WDPCP: variants seen among roughly 807,000 people sequenced by gnomAD.
The protein encoded by WDPCP is WD repeat-containing and planar cell polarity effector protein fritz homolog.
A neutral mutation model predicts 93.1 loss-of-function variants in WDPCP; 71 were observed. The observed-to-expected ratio is 0.76, with a 90% confidence interval of 0.63 to 0.93. WDPCP has a LOEUF of 0.93. WDPCP is among the 40% of genes least tolerant of loss of function. WDPCP has a pLI of 0.00. For missense variants in WDPCP, 844 were observed against 887.4 expected (o/e 0.95, Z 0.62); for synonymous variants, 315 against 315.0 (o/e 1.00, Z 0.00).
At chr2:63,378,748 C>T (rs1692058903) in intron 11 of WDPCP, among the ~76,000 whole-genome samples, 1 of 152,010 alleles carries the variant, frequency 6.6e-6, no homozygotes, top group East Asian at 1.9e-4. Flanking sequence ...TGAAGAAATC[C>T]ATAATGAACC....
intron 3 of WDPCP, among the ~76,000 whole-genome samples, chr2:63,624,736 A>G (rs1709788958): frequency 6.6e-6 from 1 of 152,248 alleles, no homozygotes; most frequent in Non-Finnish European, 1.5e-5. Context: ...TTCACAGCCG[A>G]ATTCTACCAA....
intron 14 of WDPCP, among the ~76,000 whole-genome samples, chr2:63,238,234 A>G (rs1420191391): frequency 6.6e-6 from 1 of 152,164 alleles, no homozygotes; most frequent in East Asian, 1.9e-4. Context: ...TTTTGATTCT[A>G]CAATATAAGC....
chr2:63,688,005 A>G (rs1668834834), intron 2 of WDPCP, among the ~76,000 whole-genome samples: 1 of 152,242 alleles, frequency 6.6e-6, no homozygotes, highest in South Asian at 2.1e-4. Context: ...ACTATTCAGC[A>G]TAAAAAGGAT....
intron 2 of WDPCP, among the ~76,000 whole-genome samples, chr2:63,721,500 A>G (rs1309052477): frequency 6.6e-6 from 1 of 152,030 alleles, no homozygotes; most frequent in African/African-American, 2.4e-5. Flanking sequence ...ACCCCTTCTA[A>G]TCTCACTCCA....
chr2:63,541,936 CT>C (rs1704771191), intron 1 of WDPCP, among the ~76,000 whole-genome samples: 1 of 152,068 alleles, frequency 6.6e-6, no homozygotes, highest in South Asian at 2.1e-4. Flanking sequence ...AATCTAAATT[CT>C]TTATAAAGCC....
intron 15 of WDPCP, among the ~76,000 whole-genome samples, chr2:63,171,198 G>T (rs1232362540): frequency 6.6e-6 from 1 of 152,066 alleles, no homozygotes; most frequent in Admixed American, 6.6e-5. Flanking sequence ...AGAAAAAATT[G>T]CTATCCTTGG....
chr2:63,548,043 T>C (rs1575621094), intron 1 of WDPCP, among the ~76,000 whole-genome samples: 1 of 152,106 alleles, frequency 6.6e-6, no homozygotes, highest in East Asian at 1.9e-4. Context: ...TGAAAATATG[T>C]ACATCTATTA....
At chr2:63,387,166 CAG>C (rs1327544558) in intron 10 of WDPCP, among the ~76,000 whole-genome samples, 2 of 151,944 alleles carry the variant, frequency 1.3e-5, no homozygotes, top group African/African-American at 4.8e-5. Context: ...CAAAATCTGG[CAG>C]AGAGACAACA....
intron 3 of WDPCP, among the ~76,000 whole-genome samples, chr2:63,609,327 C>T (rs1558865687): frequency 1.3e-5 from 2 of 152,112 alleles, no homozygotes; most frequent in African/African-American, 2.4e-5. Context: ...TGCCACTGCA[C>T]TCCAGCCTGG....
At chr2:63,827,321 TTC>T (rs1388626659) in intron 1 of WDPCP, among the ~76,000 whole-genome samples, 1 of 152,176 alleles carries the variant, frequency 6.6e-6, no homozygotes, top group Admixed American at 6.6e-5. Context: ...CTTGTTTCTT[TTC>T]TCTTTGTTTT....
chr2:63,570,964 G>A (rs1233183286), intron 1 of WDPCP, among the ~76,000 whole-genome samples: 1 of 151,576 alleles, frequency 6.6e-6, no homozygotes, highest in Non-Finnish European at 1.5e-5. Context: ...GGAGTGCAGT[G>A]GCACGATCTC....
At chr2:63,322,820 C>T (rs1234161615) in intron 12 of WDPCP, among the ~76,000 whole-genome samples, 1 of 152,106 alleles carries the variant, frequency 6.6e-6, no homozygotes, top group African/African-American at 2.4e-5. Context: ...TCGCCTATTG[C>T]CAAGTGGTGA....
At chr2:63,470,555 TC>T (rs1699632698) in intron 6 of WDPCP, among the ~76,000 whole-genome samples, 1 of 152,134 alleles carries the variant, frequency 6.6e-6, no homozygotes, top group Non-Finnish European at 1.5e-5. Context: ...ACTGCTATCA[TC>T]CAGTCAAAGC....
At chr2:63,293,794 C>T (rs1684626989) in intron 13 of WDPCP, among the ~76,000 whole-genome samples, 1 of 152,020 alleles carries the variant, frequency 6.6e-6, no homozygotes, top group South Asian at 2.1e-4. Flanking sequence ...GAAGACAGGA[C>T]AATAAACATT....
At chr2:63,204,264 T>A (rs1238462609) in intron 14 of WDPCP, among the ~76,000 whole-genome samples, 1 of 151,810 alleles carries the variant, frequency 6.6e-6, no homozygotes, top group Non-Finnish European at 1.5e-5. Context: ...TGAGATGATA[T>A]CCCACTGTAG....
At chr2:63,264,069 TC>T in intron 13 of WDPCP, among the ~76,000 whole-genome samples, 1 of 152,266 alleles carries the variant, frequency 6.6e-6, no homozygotes, top group East Asian at 1.9e-4. Flanking sequence ...AAAAAAAAAT[TC>T]CTCAAATTAT....
chr2:63,192,398 C>G (rs1170978933), intron 14 of WDPCP, among the ~76,000 whole-genome samples: 3 of 151,972 alleles, frequency 2.0e-5, no homozygotes, highest in African/African-American at 7.2e-5. Flanking sequence ...ATGTAAAGGA[C>G]AAAGACTAAA....
At chr2:63,571,506 G>A (rs540431855) in intron 1 of WDPCP, 62 of 469,102 alleles carry the variant, frequency 1.3e-4, no homozygotes, top group African/African-American at 1.1e-3. Flanking sequence ...TTGTTTATTC[G>A]GTGATACTCC....
chr2:63,337,132 T>A (rs1473326093), intron 12 of WDPCP, among the ~76,000 whole-genome samples: 1 of 152,108 alleles, frequency 6.6e-6, no homozygotes, highest in Non-Finnish European at 1.5e-5. Context: ...AACTTCGTGA[T>A]CCACCCACCT....
Sources: allele counts gnomAD v4.1 joint callset (sites outside exome capture counted in the v4.1 genomes callset), GRCh38; gene constraint gnomAD v4.1.1; transcripts MANE v1.5; gene names NCBI Gene and HGNC (gene_info 2026-07-23, HGNC 2026-07-21).